Variants in CDKL3 observed in about 807,000 individuals in gnomAD.
CDKL3 encodes the protein cyclin-dependent kinase-like 3.
Under a neutral mutation model 69.3 loss-of-function variants are expected in CDKL3, and 65 were observed. That is an observed-to-expected ratio of 0.94 (90% confidence interval 0.77 to 1.15). The LOEUF (loss-of-function observed/expected upper bound fraction) is 1.15, where lower values mean the gene tolerates loss of function less well. Among genes scored for constraint, CDKL3 ranks in the 50% most tolerant of loss-of-function variants. The pLI is 0.00. For missense variants in CDKL3, 652 were observed against 689.2 expected (o/e 0.95, Z 0.61); for synonymous variants, 202 against 221.6 (o/e 0.91, Z 0.79).
chr5:134,359,145 GTTGA>G (rs528107579), intron 3 of CDKL3, among the ~76,000 whole-genome samples: 436 of 152,094 alleles, frequency 2.9e-3, no homozygotes, highest in African/African-American at 0.01. Flanking sequence ...AGGTGTGGTG[GTTGA>G]TTGAGGAGGA....
intron 7 of CDKL3, among the ~76,000 whole-genome samples, chr5:134,311,499 T>C (rs1028685100): frequency 9.3e-5 from 14 of 150,502 alleles, no homozygotes; most frequent in Non-Finnish European, 1.6e-4. Context: ...AAGCGAGACT[T>C]CATCTCAAAA....
At chr5:134,291,629 C>G (rs1231509664) in intron 8 of CDKL3, among the ~76,000 whole-genome samples, 1 of 152,026 alleles carries the variant, frequency 6.6e-6, no homozygotes, top group African/African-American at 2.4e-5. Flanking sequence ...ACAAAAGTAG[C>G]TGGGCATGGT....
rs1040551986 is a variant in CDKL3, at chr5:134,312,286, G to A, written c.881+6C>T. On this transcript the variant is annotated splice_donor_region_variant and intron_variant, in intron 7 of 12. Transcript: ENST00000265334. ...TAAAAAACCCACATTCACTCAAAAT[G>A]CTTACTTTTCAATAAATCCATCTCT... The A allele has an allele frequency of 4.6e-6, 7 of 1,533,170 alleles. No individual in the cohort carries two copies. The highest frequency in any genetic ancestry group is 4.1e-5 in the African/African-American group (3 of 72,880). 95.0% of individuals were successfully genotyped at this position (1,533,170 alleles called of 1,614,324 possible). A position where few individuals can be genotyped will look rare whatever the true frequency, so the allele number is the denominator to read the frequency against.
intron 4 of CDKL3, among the ~76,000 whole-genome samples, chr5:134,331,956 CTGT>C (rs1392020379): frequency 6.6e-6 from 1 of 152,188 alleles, no homozygotes; most frequent in East Asian, 1.9e-4. Context: ...TCTCCAGCAT[CTGT>C]TGTTTCCTGA....
At chr5:134,324,420 T>C (rs1773578252) in intron 4 of CDKL3, among the ~76,000 whole-genome samples, 2 of 152,166 alleles carry the variant, frequency 1.3e-5, no homozygotes, top group Admixed American at 6.5e-5. Flanking sequence ...TGCTTCATAA[T>C]TGCCAACACA....
chr5:134,312,171 T>A (rs1769723749), intron 7 of CDKL3, 121 bp downstream of exon 7: 1 of 657,190 alleles, frequency 1.5e-6, no homozygotes, highest in Admixed American at 3.1e-5. Flanking sequence ...AATAACTCAA[T>A]AAATTTTTGT....
At chr5:134,350,210 T>C in intron 4 of CDKL3, 39 bp downstream of exon 4, 1 of 1,433,972 alleles carries the variant, frequency 7.0e-7, no homozygotes, top group Non-Finnish European at 9.3e-7. Context: ...AAAAAAGAGA[T>C]ACCTAGGAAA....
chr5:134,297,544 C>T (rs1765419463), downstream of CDKL3, among the ~76,000 whole-genome samples: 1 of 151,760 alleles, frequency 6.6e-6, no homozygotes, highest in African/African-American at 2.4e-5. Context: ...ATATTTTTAA[C>T]CATGTAATGT....
At chr5:134,338,333 G>A (rs1184734031) in intron 4 of CDKL3, among the ~76,000 whole-genome samples, 1 of 152,042 alleles carries the variant, frequency 6.6e-6, no homozygotes. Flanking sequence ...CTTATCAGTT[G>A]ATTCTGATAA....
chr5:134,292,059 T>C (rs1027990068), intron 8 of CDKL3, among the ~76,000 whole-genome samples: 1 of 152,176 alleles, frequency 6.6e-6, no homozygotes, highest in Non-Finnish European at 1.5e-5. Context: ...CCCTCAGCAA[T>C]TGATTCAAAA....
chr5:134,319,778 A>G (rs1772244920), intron 5 of CDKL3, among the ~76,000 whole-genome samples: 1 of 152,226 alleles, frequency 6.6e-6, no homozygotes, highest in South Asian at 2.1e-4. Context: ...ATGTAATGCT[A>G]TCAGAAAATG....
At chr5:134,345,337 G>T (rs762617757) in intron 4 of CDKL3, among the ~76,000 whole-genome samples, 2 of 152,090 alleles carry the variant, frequency 1.3e-5, no homozygotes, top group Admixed American at 1.3e-4. Context: ...TACCAGGTCT[G>T]GGGCAACAAC....
intron 8 of CDKL3, among the ~76,000 whole-genome samples, chr5:134,292,225 A>C (rs1448437653): frequency 1.3e-5 from 2 of 152,222 alleles, no homozygotes; most frequent in Non-Finnish European, 1.5e-5. Context: ...CTAGGATATT[A>C]AACAAGAATC....
chr5:134,371,599 T>C, upstream of CDKL3: 1 of 1,612,312 alleles, frequency 6.2e-7, no homozygotes, highest in Non-Finnish European at 8.5e-7. Flanking sequence ...GCGGAGCATG[T>C]CGACCCCGGC....
At chr5:134,366,332 T>C (rs1161520085) in intron 2 of CDKL3, 27 bp downstream of exon 2, 2 of 1,509,092 alleles carry the variant, frequency 1.3e-6, no homozygotes, top group African/African-American at 1.4e-5. Context: ...TCTTTTGACT[T>C]AGATGATTAA....
downstream of CDKL3, among the ~76,000 whole-genome samples, chr5:134,285,488 G>A (rs952174795): frequency 6.6e-6 from 1 of 152,230 alleles, no homozygotes; most frequent in Non-Finnish European, 1.5e-5. Flanking sequence ...CATGGCTGGA[G>A]CAGCTGGGAC....
intron 4 of CDKL3, among the ~76,000 whole-genome samples, chr5:134,345,022 G>A (rs376660291): frequency 6.6e-6 from 1 of 151,982 alleles, no homozygotes; most frequent in Non-Finnish European, 1.5e-5. Flanking sequence ...CCGAGATCAC[G>A]CCACTGCACT....
In CDKL3 at chr5:134,298,693, G is replaced by A. The variant is rs369545652; in HGVS notation, c.1737C>T (p.Cys579=). Residue 579 remains cysteine (C), a synonymous_variant, in exon 13 of 13, where the codon TGC becomes TGT. Transcript: ENST00000265334. The stretch of plus-strand genomic sequence containing the variant: ...TGTTTCTCTTCAAATTCTTCCCCTC[G>A]CAATGGCCATCTCCACCCTAAAATT... ...QEKQEGGDGH[C]EGKNLKRNRF... 2.3e-5 allele frequency: 37 copies of A among 1,612,018 alleles called. No homozygotes were observed. The African/African-American group carries it at 3.1e-4, about 13-fold the overall frequency.
In CDKL3 at chr5:134,311,749, G is replaced by C. The variant is rs146625190; in HGVS notation, c.881+543C>G. Among the ~76,000 whole-genome samples, 293 of 152,214 alleles carry C rather than the reference G, an allele frequency of 1.9e-3. 3 individuals are homozygous for C. The highest frequency in any genetic ancestry group is 6.5e-3 in the African/African-American group (268 of 41,542). ...AGCAGAGCACACTGCCTAGGACATG[G>C]TAACTGTGTAACGAATGTTAGTTGC... On this transcript the variant is annotated intron_variant, in intron 7 of 12. Coordinates refer to ENST00000265334, the MANE Select transcript of CDKL3 (RefSeq NM_001113575.2).
Sources: allele counts gnomAD v4.1 joint callset (sites outside exome capture counted in the v4.1 genomes callset), GRCh38; gene constraint gnomAD v4.1.1; transcripts MANE v1.5; gene names NCBI Gene and HGNC (gene_info 2026-07-23, HGNC 2026-07-21).